PKHD1: variants seen among roughly 807,000 people sequenced by gnomAD.
PKHD1 encodes the protein PKHD1 ciliary IPT domain containing fibrocystin/polyductin, also known as fibrocystin.
Under a neutral mutation model 412.0 loss-of-function variants are expected in PKHD1, and 291 were observed. The ratio of observed to expected loss-of-function variants is 0.71; its 90% CI spans 0.64 to 0.78. The LOEUF (loss-of-function observed/expected upper bound fraction) is 0.78. PKHD1 is among the 30% of genes least tolerant of loss of function. PKHD1 has a pLI of 0.00. For synonymous variants in PKHD1, 1,777 were observed against 1,821.5 expected (o/e 0.98, Z 0.62); for missense variants, 4,825 against 4,950.7 (o/e 0.97, Z 0.76).
intron 35 of PKHD1, among the ~76,000 whole-genome samples, chr6:51,983,738 CACTATTAATGA>C (rs1407138958): frequency 6.6e-6 from 1 of 152,208 alleles, no homozygotes; most frequent in African/African-American, 2.4e-5. Context: ...TGGCTAAAAT[CACTATTAATGA>C]GCTTTGACGT....
chr6:51,752,601 C>T (rs948616201), intron 57 of PKHD1, among the ~76,000 whole-genome samples: 2 of 152,112 alleles, frequency 1.3e-5, no homozygotes, highest in African/African-American at 2.4e-5. Context: ...ATGTACACCA[C>T]GATTTTATAA....
chr6:51,668,439 T>C (rs1167844045), intron 60 of PKHD1, among the ~76,000 whole-genome samples: 1 of 152,194 alleles, frequency 6.6e-6, no homozygotes, highest in Non-Finnish European at 1.5e-5. Flanking sequence ...CTTAAGGAGA[T>C]TTTGGGCTAA....
intron 60 of PKHD1, chr6:51,682,141 A>T (rs1776759892): frequency 2.2e-6 from 1 of 446,678 alleles, no homozygotes; most frequent in African/African-American, 2.0e-5. Flanking sequence ...CAGCATCTAT[A>T]ATATTCTTAG....
chr6:51,940,527 C>G (rs149981457), intron 36 of PKHD1, among the ~76,000 whole-genome samples: 1 of 151,882 alleles, frequency 6.6e-6, no homozygotes, highest in African/African-American at 2.4e-5. Context: ...CATGCCCCAT[C>G]TGTGTGGGAC....
chr6:51,945,615 A>G lies in PKHD1; in HGVS notation c.5909-11293T>C, dbSNP rs1050024411. Among the ~76,000 whole-genome samples, 31 of 152,244 alleles carry G rather than the reference A, an allele frequency of 2.0e-4. 1 individual carries two copies. The highest frequency in any genetic ancestry group is 7.2e-4 in the African/African-American group (30 of 41,462). ...TTTTCTTAAGCAAGATATGAGATGC[A>G]TAGTCAGGAATTCATATAAGACTAC... On this transcript the variant is annotated intron_variant, in intron 36 of 66. Transcript: ENST00000371117.
At chr6:51,904,465 G>C (rs1418427465) in intron 41 of PKHD1, among the ~76,000 whole-genome samples, 2 of 152,086 alleles carry the variant, frequency 1.3e-5, no homozygotes, top group African/African-American at 4.8e-5. Flanking sequence ...ACTGAGGTTG[G>C]AATAGAAGAG....
intron 60 of PKHD1, among the ~76,000 whole-genome samples, chr6:51,672,737 T>A (rs1187920587): frequency 1.3e-5 from 2 of 152,136 alleles, no homozygotes; most frequent in Non-Finnish European, 2.9e-5. Context: ...TTCAGCTGCA[T>A]AAGAAGGGAA....
intron 61 of PKHD1, among the ~76,000 whole-genome samples, chr6:51,654,385 C>A (rs1388788786): frequency 1.3e-5 from 2 of 151,916 alleles, no homozygotes; most frequent in African/African-American, 4.8e-5. Flanking sequence ...ATTTTCAAAT[C>A]TCTAGATTCT....
In PKHD1 at chr6:52,025,622, T is replaced by C; in HGVS notation, c.4188A>G (p.Pro1396=). 6.2e-7 allele frequency: 1 copy of C among 1,614,164 alleles called. No individual in the cohort carries two copies. The highest frequency in any genetic ancestry group is 8.5e-7 in the Non-Finnish European group (1 of 1,180,036). The part of the protein sequence containing the change: ...AVMPRIMAIF[P]SQGSACGGTI... Reference sequence around the variant, plus strand: ...TCCCACCACATGCCGAACCCTGCGATGGGAAGATGGCCATTATCCGAGGCA... The same window carrying C: ...TCCCACCACATGCCGAACCCTGCGACGGGAAGATGGCCATTATCCGAGGCA... Residue 1396 remains proline, a synonymous_variant, in exon 32 of 67, where the codon CCA becomes CCG. Transcript: ENST00000371117.
At position 51,726,256 on chromosome 6, in the gene PKHD1, G is replaced by A. The variant is rs144005333; in HGVS notation, c.10156+18129C>T. ...TAAATTCCGGTTCCATTAACTCAGG[G>A]GCAATTGGTGGATGAGGCCAATCCT... On this transcript the variant is annotated intron_variant, in intron 60 of 66. Coordinates refer to ENST00000371117, the MANE Select transcript of PKHD1 (RefSeq NM_138694.4). Among the ~76,000 whole-genome samples, 508 of 152,272 alleles carry A rather than the reference G, an allele frequency of 3.3e-3. 3 individuals carry two copies. Among genetic ancestry groups the A allele is most frequent in the African/African-American group, 0.012 (488 of 41,558 alleles).
chr6:51,830,838 A>G, intron 52 of PKHD1, 23 bp downstream of exon 52: 2 of 1,608,952 alleles, frequency 1.2e-6, no homozygotes, highest in Non-Finnish European at 1.7e-6. Flanking sequence ...TCTGTGATTC[A>G]TCTCTTGGGT....
chr6:52,031,237 TC>T (rs1802991186), intron 29 of PKHD1, among the ~76,000 whole-genome samples: 1 of 152,212 alleles, frequency 6.6e-6, no homozygotes, highest in African/African-American at 2.4e-5. Context: ...TATGGTAAGT[TC>T]AACTAAGTTT....
chr6:51,718,491 G>T (rs1035051241), intron 60 of PKHD1, among the ~76,000 whole-genome samples: 1 of 152,180 alleles, frequency 6.6e-6, no homozygotes, highest in African/African-American at 2.4e-5. Context: ...TGCGTAGGAG[G>T]TATAATTTCT....
At chr6:51,835,462 C>G (rs1489425109) in intron 51 of PKHD1, among the ~76,000 whole-genome samples, 1 of 152,108 alleles carries the variant, frequency 6.6e-6, no homozygotes, top group Non-Finnish European at 1.5e-5. Context: ...GACTGACATC[C>G]CCAAGAGATC....
chr6:52,077,475 T>A (rs1811490783), intron 5 of PKHD1, among the ~76,000 whole-genome samples: 2 of 152,146 alleles, frequency 1.3e-5, no homozygotes, highest in Admixed American at 6.5e-5. Flanking sequence ...TGCTTCCCAT[T>A]TGCAAAACAA....
chr6:52,032,959 G>C, intron 29 of PKHD1, 71 bp downstream of exon 29: 1 of 1,313,780 alleles, frequency 7.6e-7, no homozygotes, highest in African/African-American at 1.4e-5. Context: ...AATTTCAGAG[G>C]ACATTGATTG....
chr6:51,960,330 C>T (rs1176132654), intron 35 of PKHD1, among the ~76,000 whole-genome samples: 2 of 152,086 alleles, frequency 1.3e-5, no homozygotes, highest in East Asian at 3.9e-4. Context: ...TCTCCAATAA[C>T]ATGCTGGTAA....
At chr6:51,924,791 G>T (rs4711987) in intron 37 of PKHD1, among the ~76,000 whole-genome samples, 1 of 151,924 alleles carries the variant, frequency 6.6e-6, no homozygotes, top group African/African-American at 2.4e-5. Flanking sequence ...ATTGGAAAAC[G>T]GTAAACACCA....
At position 52,044,951 on chromosome 6, in the gene PKHD1, C is replaced by T. The variant is rs771255323; in HGVS notation, c.2715+15G>A. On this transcript the variant is annotated intron_variant, in intron 25 of 66. Coordinates refer to ENST00000371117, the MANE Select transcript of PKHD1 (RefSeq NM_138694.4). ...AAACTGGAGCTTGCACTTAGGGTGG[C>T]CCATTCACTCTCACCTGAGTATGCT... is the stretch of plus-strand genomic sequence containing the variant. 6 of 1,613,090 alleles carry T rather than the reference C, an allele frequency of 3.7e-6. No homozygotes were observed. The highest frequency in any genetic ancestry group is 4.2e-6 in the Non-Finnish European group (5 of 1,179,260).
Sources: gnomAD v4.1 joint callset for allele counts (sites outside exome capture counted in the v4.1 genomes callset) on GRCh38, gnomAD v4.1.1 for gene constraint, MANE v1.5 for transcripts, NCBI Gene and HGNC (gene_info 2026-07-23, HGNC 2026-07-21) for gene names.